Variants in SERGEF observed in about 807,000 individuals in gnomAD.
SERGEF encodes the protein secretion regulating guanine nucleotide exchange factor, also known as secretion-regulating guanine nucleotide exchange factor.
In SERGEF, 51 loss-of-function variants were observed where a neutral mutation model predicts 50.0. That is an observed-to-expected ratio of 1.02 (90% CI 0.81 to 1.29). The LOEUF is 1.29. Ranked by LOEUF, SERGEF falls within the 50% of genes most tolerant of loss-of-function variation. The pLI is 0.00. For synonymous variants in SERGEF, 205 were observed against 212.4 expected (o/e 0.97, Z 0.30); for missense variants, 521 against 557.0 (o/e 0.94, Z 0.65).
Position 17,988,598 on chromosome 11 carries a change from T to C in SERGEF, c.843A>G (p.Thr281=). Residue 281 remains threonine (T), a splice_region_variant and synonymous_variant, in exon 8 of 11, where the codon ACA becomes ACG. Transcript: ENST00000265965. The stretch of plus-strand genomic sequence containing the variant: ...GTAAGTTCTCTGCTACTGTCTCACC[T>C]GTCTGAGCAACCAGGTGTGTCCATC... ...WSGWTHLVAQ[T]ETGKMFTWGR... is the part of the protein sequence containing the mutation. 6.2e-7 allele frequency: 1 copy of C among 1,613,896 alleles called. No individual in the cohort carries two copies. The highest frequency in any genetic ancestry group is 8.5e-7 in the Non-Finnish European group (1 of 1,179,908).
intron 9 of SERGEF, among the ~76,000 whole-genome samples, chr11:17,891,679 T>G (rs969242132): frequency 6.6e-6 from 1 of 152,208 alleles, no homozygotes; most frequent in Non-Finnish European, 1.5e-5. Flanking sequence ...GGGTTCCAGA[T>G]GGCAAAACAG....
At chr11:18,002,777 C>T (rs559492963) in intron 4 of SERGEF, among the ~76,000 whole-genome samples, 80 of 152,272 alleles carry the variant, frequency 5.3e-4, no homozygotes, top group Admixed American at 4.5e-3. Flanking sequence ...CAACTTTGCT[C>T]CCACTGCCTA....
chr11:17,932,044 T>G (rs1406303473), intron 9 of SERGEF, among the ~76,000 whole-genome samples: 1 of 123,484 alleles, frequency 8.1e-6, no homozygotes, highest in Non-Finnish European at 1.9e-5. Flanking sequence ...GTATCTTAAA[T>G]ATTGGTGTTT....
At chr11:17,904,456 A>G (rs560828201) in intron 9 of SERGEF, among the ~76,000 whole-genome samples, 1 of 152,310 alleles carries the variant, frequency 6.6e-6, no homozygotes, top group East Asian at 1.9e-4. Context: ...CCTGCCTTTC[A>G]ATTCCTTTAA....
At position 18,004,499 on chromosome 11, in the gene SERGEF, A is replaced by C. The variant is rs1590247682; in HGVS notation, c.389T>G (p.Phe130Cys). 3.7e-6 allele frequency: 6 copies of C among 1,613,856 alleles called. No individual in the cohort carries two copies. In the East Asian group the frequency reaches 1.1e-4, roughly 30 times the overall value. The change falls in exon 4 of 11, where the codon TTT becomes TGT. Residue 130 changes from phenylalanine (F) to cysteine (C), a missense_variant. Coordinates refer to ENST00000265965, the MANE Select transcript of SERGEF (RefSeq NM_012139.4). ...GQVLSCGSNSFGQLGVPHGPR... is the reference protein window; with the variant it reads ...GQVLSCGSNSCGQLGVPHGPR... ...TCCATGAGGAACTCCTAACTGGCCA[A>C]AGGAGTTGGATCCACATGATAGAAC...
intron 9 of SERGEF, among the ~76,000 whole-genome samples, chr11:17,928,789 A>G (rs1428430693): frequency 1.3e-5 from 2 of 152,130 alleles, no homozygotes. Flanking sequence ...TGAAAAAAAA[A>G]GGGACTCAAA....
chr11:17,801,140 A>G (rs1181843486), intron 10 of SERGEF, among the ~76,000 whole-genome samples: 3 of 149,980 alleles, frequency 2.0e-5, no homozygotes, highest in African/African-American at 4.9e-5. Flanking sequence ...GCTTGCAGTG[A>G]GCCGAGATAG....
intron 10 of SERGEF, among the ~76,000 whole-genome samples, chr11:17,866,358 C>T (rs1179999517): frequency 1.3e-5 from 2 of 152,224 alleles, no homozygotes; most frequent in African/African-American, 4.8e-5. Flanking sequence ...GTATTCAGTA[C>T]AGTAACATGC....
chr11:17,832,528 T>TA (rs1850327840), intron 10 of SERGEF, among the ~76,000 whole-genome samples: 1 of 152,176 alleles, frequency 6.6e-6, no homozygotes, highest in Non-Finnish European at 1.5e-5. Flanking sequence ...CTGCTGAAGA[T>TA]ACCCGAAAAA....
intron 9 of SERGEF, among the ~76,000 whole-genome samples, chr11:17,887,475 G>T (rs1851451421): frequency 1.3e-5 from 2 of 152,120 alleles, no homozygotes; most frequent in African/African-American, 4.8e-5. Flanking sequence ...ATAGATTCAG[G>T]CCAGGTAAAT....
intron 9 of SERGEF, among the ~76,000 whole-genome samples, chr11:17,899,010 T>C (rs1045377365): frequency 2.6e-5 from 4 of 152,172 alleles, no homozygotes; most frequent in Non-Finnish European, 4.4e-5. Context: ...ACCTCCTCCT[T>C]CTCTCTCCTG....
chr11:17,903,097 G>A (rs1398374098), intron 9 of SERGEF, among the ~76,000 whole-genome samples: 2 of 152,184 alleles, frequency 1.3e-5, no homozygotes, highest in African/African-American at 2.4e-5. Flanking sequence ...CTAGGTCTCA[G>A]GTATTTCACT....
At chr11:17,879,716 A>C (rs1851304342) in intron 9 of SERGEF, among the ~76,000 whole-genome samples, 1 of 152,206 alleles carries the variant, frequency 6.6e-6, no homozygotes, top group African/African-American at 2.4e-5. Flanking sequence ...AAATTCTGAA[A>C]GTAGATTTTG....
intron 9 of SERGEF, among the ~76,000 whole-genome samples, chr11:17,894,450 T>G (rs1851585705): frequency 6.6e-6 from 1 of 152,240 alleles, no homozygotes; most frequent in African/African-American, 2.4e-5. Flanking sequence ...GATGGGCCAC[T>G]TCATAAGTAA....
chr11:17,886,835 T>G (rs1851439064), intron 9 of SERGEF, among the ~76,000 whole-genome samples: 1 of 152,142 alleles, frequency 6.6e-6, no homozygotes, highest in Non-Finnish European at 1.5e-5. Flanking sequence ...AATGTCTTCA[T>G]CATAAATGGC....
intron 9 of SERGEF, among the ~76,000 whole-genome samples, chr11:17,879,415 A>G (rs1279085798): frequency 6.6e-6 from 1 of 152,226 alleles, no homozygotes; most frequent in African/African-American, 2.4e-5. Flanking sequence ...TAATACTGGA[A>G]GGGCCCTGGA....
intron 7 of SERGEF, 138 bp from the exon 8 acceptor site, chr11:17,988,893 G>T: frequency 1.3e-6 from 1 of 747,600 alleles, no homozygotes; most frequent in Non-Finnish European, 2.0e-6. Flanking sequence ...GAGCCAAGCA[G>T]GTTACAAAAT....
intron 9 of SERGEF, among the ~76,000 whole-genome samples, chr11:17,900,006 C>T (rs1009997396): frequency 7.9e-5 from 12 of 151,628 alleles, no homozygotes; most frequent in African/African-American, 2.9e-4. Flanking sequence ...ATATGTCAGG[C>T]AATGTGCTGG....
intron 1 of SERGEF, 171 bp downstream of exon 1, chr11:18,012,780 C>A: frequency 9.9e-7 from 1 of 1,012,892 alleles, no homozygotes; most frequent in South Asian, 1.4e-5. Flanking sequence ...TCCTTCCCCG[C>A]CCGCCCGCTC....
Sources: allele counts gnomAD v4.1 joint callset (sites outside exome capture counted in the v4.1 genomes callset), GRCh38; gene constraint gnomAD v4.1.1; transcripts MANE v1.5; gene names NCBI Gene and HGNC (gene_info 2026-07-23, HGNC 2026-07-21).